The following PRKAG2 variants were observed in gnomAD, a reference collection of about 807,000 sequenced individuals.
PRKAG2 encodes 5'-AMP-activated protein kinase subunit gamma-2.
In PRKAG2, 26 loss-of-function variants were observed where a neutral mutation model predicts 69.6. That is an observed-to-expected ratio of 0.37 (90% CI 0.27 to 0.52). The LOEUF is 0.52. PRKAG2 is among the 20% of genes least tolerant of loss of function. PRKAG2 has a pLI of 0.90. For missense variants in PRKAG2, 557 were observed against 740.0 expected (o/e 0.75, Z 2.87); for synonymous variants, 293 against 285.0 (o/e 1.03, Z -0.28).
intron 1 of PRKAG2, among the ~76,000 whole-genome samples, chr7:151,870,780 G>A (rs997866720): frequency 6.6e-5 from 10 of 152,204 alleles, no homozygotes; most frequent in African/African-American, 1.9e-4. Flanking sequence ...CTCGCAGCGC[G>A]GGGCTTCCCT....
intron 5 of PRKAG2, among the ~76,000 whole-genome samples, chr7:151,623,447 C>T (rs1012958253): frequency 6.9e-6 from 1 of 143,952 alleles, no homozygotes; most frequent in African/African-American, 2.5e-5. Context: ...CAATAGGGTT[C>T]GCGCTCCTAT....
intron 5 of PRKAG2, among the ~76,000 whole-genome samples, chr7:151,611,755 G>A (rs1818921703): frequency 6.6e-6 from 1 of 152,080 alleles, no homozygotes; most frequent in African/African-American, 2.4e-5. Context: ...CATTAAGATG[G>A]TAAAAAAGCA....
rs1313596819 is a variant in PRKAG2, at chr7:151,874,052, GTA to G, written c.114+2453_114+2454del. Among the ~76,000 whole-genome samples, 324 of 137,614 alleles carry G rather than the reference GTA, an allele frequency of 2.4e-3. 3 individuals carry two copies. The highest frequency in any genetic ancestry group is 8.0e-3 in the African/African-American group (302 of 37,844). 90.3% of individuals were successfully genotyped at this position (137,614 alleles called of 152,430 possible). A position where few individuals can be genotyped will look rare whatever the true frequency, so the allele number is the denominator to read the frequency against. ...GTATATGTATATGATGTATATGTAT[GTA>G]TATGTATATGTATATGATGTATATG... On this transcript the variant is annotated intron_variant, in intron 1 of 15. Coordinates refer to ENST00000287878, the MANE Select transcript of PRKAG2 (RefSeq NM_016203.4).
chr7:151,853,161 G>A lies in PRKAG2; in HGVS notation c.114+23346C>T, dbSNP rs553771524. ...CTTAAACTTTTTAAAAGTAGGTGACGATTGTGACAAGGCCAACAAGGACTG... is the reference window on the plus strand; with the variant it reads ...CTTAAACTTTTTAAAAGTAGGTGACAATTGTGACAAGGCCAACAAGGACTG... On this transcript the variant is annotated intron_variant, in intron 1 of 15. Coordinates refer to ENST00000287878, the MANE Select transcript of PRKAG2 (RefSeq NM_016203.4). Among the ~76,000 whole-genome samples the A allele has an allele frequency of 1.2e-3, 184 of 152,284 alleles. 5 individuals are homozygous for A. The South Asian group carries it at 0.032, about 27-fold the overall frequency.
chr7:151,575,985 A>AT (rs34905653), intron 7 of PRKAG2, among the ~76,000 whole-genome samples: 22,236 of 142,296 alleles, frequency 0.16, 1,825 homozygotes, highest in East Asian at 0.26. Context: ...AAAGCAAGGA[A>AT]TTTTTTTTTT....
At position 151,871,074 on chromosome 7, in the gene PRKAG2, G is replaced by A. The variant is rs115212170; in HGVS notation, c.114+5433C>T. ...CTCTCTGACGTCTTCCCTCTCCCTG[G>A]GTCTCCAGCTCTGTCATTGGCTTGA... On this transcript the variant is annotated intron_variant, in intron 1 of 15. Coordinates refer to ENST00000287878, the MANE Select transcript of PRKAG2 (RefSeq NM_016203.4). Among the ~76,000 whole-genome samples the A allele has an allele frequency of 2.5e-3, 374 of 152,156 alleles. 2 individuals carry two copies. The highest frequency in any genetic ancestry group is 8.3e-3 in the African/African-American group (343 of 41,494).
At chr7:151,832,595 T>G (rs1161272727) in intron 1 of PRKAG2, among the ~76,000 whole-genome samples, 14 of 141,786 alleles carry the variant, frequency 9.9e-5, no homozygotes, top group South Asian at 4.7e-4. Flanking sequence ...GAGGCATCTC[T>G]GGGGGGGGGG....
intron 1 of PRKAG2, 47 bp downstream of exon 1, chr7:151,876,460 G>A: frequency 6.4e-7 from 1 of 1,554,084 alleles, no homozygotes. Context: ...CCGGGGACGG[G>A]AGCGACAGGA....
intron 3 of PRKAG2, among the ~76,000 whole-genome samples, chr7:151,763,818 TG>T (rs1349527607): frequency 4.6e-5 from 7 of 152,250 alleles, no homozygotes; most frequent in African/African-American, 9.6e-5. Flanking sequence ...GGGCTATAGC[TG>T]CTGCCTGTGT....
At chr7:151,749,938 CAT>C (rs1249135095) in intron 3 of PRKAG2, among the ~76,000 whole-genome samples, 1 of 151,354 alleles carries the variant, frequency 6.6e-6, no homozygotes, top group Non-Finnish European at 1.5e-5. Context: ...CTCCACTAAA[CAT>C]ATAAAAATTA....
intron 1 of PRKAG2, among the ~76,000 whole-genome samples, 184 bp downstream of exon 1, chr7:151,876,323 G>A (rs907587701): frequency 2.6e-5 from 4 of 152,030 alleles, no homozygotes; most frequent in African/African-American, 9.7e-5. Context: ...GGCAGAGAGA[G>A]AGATTGAGCC....
Position 151,632,143 on chromosome 7 carries a change from G to A in PRKAG2, c.685-5C>T, listed in dbSNP as rs779931367. 9 of 1,394,616 alleles carry A rather than the reference G, an allele frequency of 6.5e-6. No homozygotes were observed. Among genetic ancestry groups the A allele is most frequent in the South Asian group, 5.8e-5 (4 of 68,924 alleles). 86.4% of individuals were successfully genotyped at this position (1,394,616 alleles called of 1,614,324 possible). On this transcript the variant is annotated splice_region_variant and splice_polypyrimidine_tract_variant and intron_variant, in intron 4 of 15. Coordinates refer to ENST00000287878, the MANE Select transcript of PRKAG2 (RefSeq NM_016203.4). The surrounding 1 kb of genome is among the most constrained non-coding windows in gnomAD (Gnocchi z 4.2). Reference sequence around the variant, plus strand: ...CAGGGCCGCCGCCAGCGCCGCCTGAGGGGGAGGAGGAGGACAGCGATCAGC... The same window carrying A: ...CAGGGCCGCCGCCAGCGCCGCCTGAAGGGGAGGAGGAGGACAGCGATCAGC...
intron 3 of PRKAG2, among the ~76,000 whole-genome samples, chr7:151,728,499 C>T (rs1435143172): frequency 3.9e-5 from 6 of 152,178 alleles, no homozygotes; most frequent in Admixed American, 3.3e-4. Context: ...GCTGCGGCCC[C>T]AACCCCAGGT....
At chr7:151,869,086 T>TAG (rs34852782) in intron 1 of PRKAG2, among the ~76,000 whole-genome samples, 82 of 151,826 alleles carry the variant, frequency 5.4e-4, no homozygotes, top group African/African-American at 9.4e-4. Flanking sequence ...GAGGTTTTAT[T>TAG]GGGGGGGGCA....
intron 8 of PRKAG2, among the ~76,000 whole-genome samples, chr7:151,573,870 C>T (rs373145107): frequency 1.2e-4 from 18 of 152,158 alleles, no homozygotes; most frequent in African/African-American, 4.1e-4. Flanking sequence ...CCTCCGCCTC[C>T]TGGGTTCAAG....
At chr7:151,827,745 T>TTAA (rs1367495239) in intron 1 of PRKAG2, among the ~76,000 whole-genome samples, 1 of 52,248 alleles carries the variant, frequency 1.9e-5, no homozygotes, top group African/African-American at 7.9e-5. Context: ...TGGCCTTAGG[T>TTAA]AAAAAAAAAA....
intron 4 of PRKAG2, among the ~76,000 whole-genome samples, chr7:151,651,310 C>T (rs183233335): frequency 9.5e-4 from 144 of 152,218 alleles, no homozygotes; most frequent in Non-Finnish European, 1.6e-3. Flanking sequence ...AAGATCCATT[C>T]GAAATACAAG....
At chr7:151,590,118 C>G (rs926344129) in intron 6 of PRKAG2, among the ~76,000 whole-genome samples, 7 of 152,176 alleles carry the variant, frequency 4.6e-5, no homozygotes, top group Admixed American at 2.6e-4. Context: ...ATCATCTGTG[C>G]CTGTGATGAC....
chr7:151,648,472 C>T (rs1440043147), intron 4 of PRKAG2, among the ~76,000 whole-genome samples: 5 of 152,030 alleles, frequency 3.3e-5, no homozygotes, highest in East Asian at 1.9e-4. Context: ...CTGGGGCACC[C>T]GGGAAAAGCA....
Sources: allele counts gnomAD v4.1 joint callset (sites outside exome capture counted in the v4.1 genomes callset), GRCh38; gene constraint gnomAD v4.1.1; non-coding constraint Gnocchi (gnomAD v3.1); transcripts MANE v1.5; gene names NCBI Gene and HGNC (gene_info 2026-07-23, HGNC 2026-07-21).